Variants in TNR observed in about 807,000 individuals in gnomAD.
TNR encodes tenascin R, also known as tenascin-R.
Under a neutral mutation model 150.4 loss-of-function variants are expected in TNR, and 45 were observed. That is an observed-to-expected ratio of 0.30 (90% CI 0.24 to 0.38). The LOEUF is 0.38. Ranked by LOEUF, TNR falls within the 10% of genes least tolerant of loss-of-function variation. TNR has a pLI of 1.00. For missense variants in TNR, 1,544 were observed against 1,759.1 expected (o/e 0.88, Z 2.19); for synonymous variants, 687 against 678.4 (o/e 1.01, Z -0.20).
At position 175,542,606 on chromosome 1, in the gene TNR, G is replaced by A. The variant is rs150552745; in HGVS notation, c.-164-14237C>T. 1.4e-4 allele frequency among the ~76,000 whole-genome samples: 22 copies of A among 152,264 alleles called. No homozygotes were observed. In the East Asian group the frequency reaches 3.7e-3, roughly 25 times the overall value. Reference sequence around the variant, plus strand: ...CACACCTCCAAGCAATGGAATTAACGTAATCACTCTACATCTCCTGATTAG... The same window carrying A: ...CACACCTCCAAGCAATGGAATTAACATAATCACTCTACATCTCCTGATTAG... On this transcript the variant is annotated intron_variant, in intron 1 of 22. Coordinates refer to ENST00000367674, the MANE Select transcript of TNR (RefSeq NM_003285.3).
At chr1:175,547,408 G>A (rs142801779) in intron 1 of TNR, among the ~76,000 whole-genome samples, 1 of 152,080 alleles carries the variant, frequency 6.6e-6, no homozygotes, top group African/African-American at 2.4e-5. Context: ...TTAATTGCTA[G>A]CCCAGTCTGC....
intron 2 of TNR, among the ~76,000 whole-genome samples, chr1:175,502,758 A>C (rs1398005064): frequency 1.3e-5 from 2 of 152,202 alleles, no homozygotes; most frequent in Non-Finnish European, 2.9e-5. Context: ...GCACCTAAGG[A>C]AGCCCAGATG....
At chr1:175,462,935 A>G (rs1383537092) in intron 2 of TNR, among the ~76,000 whole-genome samples, 1 of 152,202 alleles carries the variant, frequency 6.6e-6, no homozygotes, top group African/African-American at 2.4e-5. Context: ...TGCCTTGCCA[A>G]TAAGATACTT....
At chr1:175,576,091 A>G (rs1662098374) in intron 1 of TNR, among the ~76,000 whole-genome samples, 1 of 152,222 alleles carries the variant, frequency 6.6e-6, no homozygotes, top group Admixed American at 6.5e-5. Context: ...TTTACATGAA[A>G]TTTAATGCTA....
chr1:175,587,377 G>C (rs574333118), intron 1 of TNR, among the ~76,000 whole-genome samples: 316 of 152,324 alleles, frequency 2.1e-3, no homozygotes, highest in African/African-American at 7.3e-3. Context: ...GTAACCCAGA[G>C]TGAATTATTT....
chr1:175,546,615 C>T (rs1163016003), intron 1 of TNR, among the ~76,000 whole-genome samples: 2 of 152,140 alleles, frequency 1.3e-5, no homozygotes, highest in Non-Finnish European at 2.9e-5. Context: ...CCAAGAGTGG[C>T]GTGCCTTTCA....
In TNR at chr1:175,661,639, C is replaced by T. The variant is rs562507713; in HGVS notation, c.-165+81587G>A. Among the ~76,000 whole-genome samples the T allele has an allele frequency of 2.0e-5, 3 of 152,198 alleles. No homozygotes were observed. In the South Asian group the frequency reaches 6.2e-4, roughly 32 times the overall value. On this transcript the variant is annotated intron_variant, in intron 1 of 22. Transcript: ENST00000367674. The stretch of plus-strand genomic sequence containing the variant: ...ATAGACAAGGATTGTTCTGCAAATC[C>T]CTAATCAATGAAGAAAAACTCAAAG...
chr1:175,331,679 T>C (rs1489255299), intron 20 of TNR, among the ~76,000 whole-genome samples: 2 of 152,232 alleles, frequency 1.3e-5, no homozygotes, highest in African/African-American at 4.8e-5. Context: ...TTGCTGGTAA[T>C]TTCTCTGAGT....
chr1:175,396,371 C>CT (rs1341976677), intron 5 of TNR, among the ~76,000 whole-genome samples, 173 bp downstream of exon 5: 1 of 152,190 alleles, frequency 6.6e-6, no homozygotes, highest in Non-Finnish European at 1.5e-5. Flanking sequence ...TCGAAAGTGC[C>CT]TTTTTAATGA....
chr1:175,428,077 A>G (rs1039812615), intron 2 of TNR, among the ~76,000 whole-genome samples: 2 of 152,210 alleles, frequency 1.3e-5, no homozygotes, highest in African/African-American at 4.8e-5. Flanking sequence ...AAGAAGATAG[A>G]CATTCTACTT....
rs1030318651 is a variant in TNR, at chr1:175,547,108, A to G, written c.-164-18739T>C. Among the ~76,000 whole-genome samples, 3 of 152,168 alleles carry G rather than the reference A, an allele frequency of 2.0e-5. No individual in the cohort carries two copies. The South Asian group carries it at 6.2e-4, about 32-fold the overall frequency. ...GCACAGCATACACATTAGCTTTCTT[A>G]TGTATGGCAGAGGTCCTCTGTCTTC... On this transcript the variant is annotated intron_variant, in intron 1 of 22. Transcript: ENST00000367674.
intron 1 of TNR, among the ~76,000 whole-genome samples, chr1:175,538,521 C>G (rs1308709252): frequency 2.0e-5 from 3 of 152,176 alleles, no homozygotes; most frequent in Non-Finnish European, 4.4e-5. Flanking sequence ...AAAATTCTAT[C>G]TAAAACCTTG....
chr1:175,345,833 G>A (rs1019868196), intron 18 of TNR, among the ~76,000 whole-genome samples: 3 of 152,132 alleles, frequency 2.0e-5, no homozygotes, highest in Admixed American at 2.0e-4. Flanking sequence ...AGTGTATAGA[G>A]TGTGAAACTG....
chr1:175,740,854 C>T (rs1234299325), intron 1 of TNR, among the ~76,000 whole-genome samples: 2 of 152,164 alleles, frequency 1.3e-5, no homozygotes, highest in African/African-American at 2.4e-5. Context: ...TCACCAAACA[C>T]CCAAAGCCAA....
At chr1:175,475,761 C>T (rs1571494263) in intron 2 of TNR, among the ~76,000 whole-genome samples, 1 of 148,496 alleles carries the variant, frequency 6.7e-6, no homozygotes, top group Non-Finnish European at 1.5e-5. Context: ...CCTTTTCCTA[C>T]CCTGGATGAG....
At chr1:175,448,169 C>G (rs144225596) in intron 2 of TNR, among the ~76,000 whole-genome samples, 130 of 152,214 alleles carry the variant, frequency 8.5e-4, no homozygotes, top group African/African-American at 2.9e-3. Context: ...GGTAGGTAGC[C>G]TTATCTTACC....
In TNR at chr1:175,411,842, G is replaced by A. The variant is rs944304415; in HGVS notation, c.-63-5065C>T. 1.5e-4 allele frequency among the ~76,000 whole-genome samples: 23 copies of A among 152,012 alleles called. 1 individual carries two copies. In the South Asian group the frequency reaches 1.9e-3, roughly 12 times the overall value. ...CTTCAACACGTCTTCTTTGGAAAGCGGGGACACAATTCAGCCCATAACAAA... is the reference window on the plus strand; with the variant it reads ...CTTCAACACGTCTTCTTTGGAAAGCAGGGACACAATTCAGCCCATAACAAA... On this transcript the variant is annotated intron_variant, in intron 2 of 22. Coordinates refer to ENST00000367674, the MANE Select transcript of TNR (RefSeq NM_003285.3).
chr1:175,448,539 G>A (rs1030915484), intron 2 of TNR, among the ~76,000 whole-genome samples: 5 of 152,168 alleles, frequency 3.3e-5, no homozygotes, highest in South Asian at 4.1e-4. Flanking sequence ...TTCCCAGTCT[G>A]GTGGTCAGCA....
At chr1:175,407,880 C>T (rs1411522988) in intron 2 of TNR, among the ~76,000 whole-genome samples, 1 of 152,170 alleles carries the variant, frequency 6.6e-6, no homozygotes, top group Non-Finnish European at 1.5e-5. Context: ...TTACTATGTC[C>T]CAGGGCTTTT....
Sources: gnomAD v4.1 joint callset for allele counts (sites outside exome capture counted in the v4.1 genomes callset) on GRCh38, gnomAD v4.1.1 for gene constraint, MANE v1.5 for transcripts, NCBI Gene and HGNC (gene_info 2026-07-23, HGNC 2026-07-21) for gene names.